Variants in ATP2B2 observed in about 807,000 individuals in gnomAD.
ATP2B2 encodes plasma membrane calcium-transporting ATPase 2.
In ATP2B2, 15 loss-of-function variants were observed where a neutral mutation model predicts 120.0. The ratio of observed to expected loss-of-function variants is 0.12; its 90% CI spans 0.08 to 0.19. The LOEUF (loss-of-function observed/expected upper bound fraction) is 0.19, where lower values mean the gene tolerates loss of function less well. Ranked by LOEUF, ATP2B2 falls within the 10% of genes least tolerant of loss-of-function variation. The pLI is 1.00. For synonymous variants in ATP2B2, 694 were observed against 700.3 expected, an observed-to-expected ratio of 0.99 and a Z score of 0.14; for missense variants, 1,045 against 1,719.8, an observed-to-expected ratio of 0.61 and a Z score of 6.94.
In ATP2B2 at chr3:10,694,257, T is replaced by C. The variant is rs553016869; in HGVS notation, c.-460+13658A>G. 1.6e-4 allele frequency among the ~76,000 whole-genome samples: 25 copies of C among 152,326 alleles called. No individual in the cohort carries two copies. In the East Asian group the frequency reaches 2.3e-3, roughly 14 times the overall value. ...TACCTTTGCATAACCACCACCACTA[T>C]CAAGGTACTCAACTGGACCATCACC... On this transcript the variant is annotated intron_variant, in intron 1 of 21. Transcript: ENST00000646379.
At chr3:10,486,078 T>C (rs759691) in intron 1 of ATP2B2, among the ~76,000 whole-genome samples, 64,570 of 152,060 alleles carry the variant, frequency 0.42, 13,800 homozygotes, top group South Asian at 0.55. Context: ...CCTCAGCCAG[T>C]GGCCAGGTCA....
At chr3:10,481,519 C>A (rs1462012787) in intron 1 of ATP2B2, among the ~76,000 whole-genome samples, 6 of 152,290 alleles carry the variant, frequency 3.9e-5, no homozygotes, top group Middle Eastern at 6.8e-3. Flanking sequence ...TCACGCTCTT[C>A]CCGCTGACTC....
chr3:10,442,464 C>T (rs2063701176), intron 2 of ATP2B2, among the ~76,000 whole-genome samples: 1 of 152,162 alleles, frequency 6.6e-6, no homozygotes, highest in African/African-American at 2.4e-5. Context: ...CAGCCTATGA[C>T]CATCGATAGC....
rs140381534 is a variant in ATP2B2, at chr3:10,441,817, G to A, written c.199+7528C>T. Among the ~76,000 whole-genome samples, 625 of 152,324 alleles carry A rather than the reference G, an allele frequency of 4.1e-3. 11 individuals carry two copies. Among genetic ancestry groups the A allele is most frequent in the Non-Finnish European group, 3.4e-3 (233 of 68,032 alleles). On this transcript the variant is annotated intron_variant, in intron 2 of 22. Transcript: ENST00000360273. ...AGAAGCAGGGGGAAGCAATGGAGAT[G>A]TTCCATCAGTTCTAGGAGGTGGGTG...
chr3:10,346,260 C>A lies in ATP2B2; in HGVS notation c.2405-123G>T. On this transcript the variant is annotated intron_variant, in intron 16 of 22. Transcript: ENST00000360273. This position sits in a 1 kb window ranked among gnomAD's most constrained non-coding sequence, Gnocchi z 4.1. ...TCCTCTCTGGTCCCTGTCCAGCCGCCCCCTCCATCCAGGCTCTTCCCAGCT... is the reference window on the plus strand; with the variant it reads ...TCCTCTCTGGTCCCTGTCCAGCCGCACCCTCCATCCAGGCTCTTCCCAGCT... 1.1e-6 allele frequency: 1 copy of A among 907,520 alleles called. No individual in the cohort carries two copies. Among genetic ancestry groups the A allele is most frequent in the Non-Finnish European group, 1.7e-6 (1 of 573,900 alleles). The allele number at this position is 907,520 out of a possible 1,614,324, so 56.2% of individuals were successfully genotyped here.
At chr3:10,627,152 T>A (rs945843752) in intron 1 of ATP2B2, among the ~76,000 whole-genome samples, 3 of 152,198 alleles carry the variant, frequency 2.0e-5, no homozygotes, top group Non-Finnish European at 4.4e-5. Context: ...AGCTTCCCCA[T>A]GCCCCACAGT....
Position 10,326,805 on chromosome 3 carries a change from A to C in ATP2B2, c.*2009T>G, listed in dbSNP as rs1444253030. On this transcript the variant is annotated 3_prime_UTR_variant, in exon 23 of 23. Coordinates refer to ENST00000360273, the MANE Select transcript of ATP2B2 (RefSeq NM_001001331.4). ...GCTGACTTTGAACCCCAAACCCTCAAGTTTTTCCACCGCCATCCAGATGTA... is the reference window on the plus strand; with the variant it reads ...GCTGACTTTGAACCCCAAACCCTCACGTTTTTCCACCGCCATCCAGATGTA... 2.5e-6 allele frequency: 1 copy of C among 398,842 alleles called. No individual in the cohort carries two copies. Among genetic ancestry groups the C allele is most frequent in the Non-Finnish European group, 4.4e-6 (1 of 226,058 alleles). 24.7% of individuals were successfully genotyped at this position (398,842 alleles called of 1,614,324 possible).
At position 10,606,471 on chromosome 3, in the gene ATP2B2, G is replaced by C. The variant is rs143202271; in HGVS notation, c.-415+13446C>G. On this transcript the variant is annotated intron_variant, in intron 2 of 21. Transcript: ENST00000646379. ...CCAGGGGGGTGGAGTTAAAAGCCAG[G>C]ATTAAGGTCCTTTGCTAGTCTTTGG... is the stretch of plus-strand genomic sequence containing the variant. Among the ~76,000 whole-genome samples, 368 of 152,268 alleles carry C rather than the reference G, an allele frequency of 2.4e-3. 1 individual carries two copies. Among genetic ancestry groups the C allele is most frequent in the African/African-American group, 8.3e-3 (343 of 41,568 alleles).
intron 2 of ATP2B2, among the ~76,000 whole-genome samples, chr3:10,575,493 G>T (rs943436212): frequency 1.3e-5 from 2 of 152,176 alleles, no homozygotes; most frequent in African/African-American, 4.8e-5. Context: ...AAGAATTTGT[G>T]GAGATGGATA....
Position 10,400,997 on chromosome 3 carries a change from T to C in ATP2B2, c.737A>G (p.Asp246Gly). The C allele has an allele frequency of 6.2e-7, 1 of 1,614,164 alleles. No individual in the cohort carries two copies. Among genetic ancestry groups the C allele is most frequent in the Non-Finnish European group, 8.5e-7 (1 of 1,180,000 alleles). ...CTTGTCCACGGACTTGCGCACCTGG[T>C]CAGACTCTCCAGTTAGGGAGCTTTC... ...IDESSLTGES[D>G]QVRKSVDKDP... is the part of the protein sequence containing the mutation. The change falls in exon 5 of 23, where the codon GAC (aspartate) becomes GGC (glycine). Residue 246 changes from aspartate to glycine, a missense_variant. Transcript: ENST00000360273.
At chr3:10,476,589 G>A (rs1340551440) in intron 1 of ATP2B2, among the ~76,000 whole-genome samples, 1 of 152,202 alleles carries the variant, frequency 6.6e-6, no homozygotes, top group African/African-American at 2.4e-5. Flanking sequence ...GCTTTTCTGT[G>A]GCTGCATGGC....
intron 2 of ATP2B2, among the ~76,000 whole-genome samples, chr3:10,439,025 C>T (rs901669318): frequency 1.3e-5 from 2 of 152,220 alleles, no homozygotes; most frequent in African/African-American, 4.8e-5. Context: ...GGCCCTGAAG[C>T]TGCTTGGTAG....
intron 1 of ATP2B2, among the ~76,000 whole-genome samples, chr3:10,467,229 T>A (rs1242851823): frequency 6.6e-6 from 1 of 152,172 alleles, no homozygotes; most frequent in Non-Finnish European, 1.5e-5. Context: ...CACTGAAACA[T>A]CTACATGGGG....
rs1364279062 is a variant in ATP2B2 at position 10,683,784 on chromosome 3, A to G, written c.-460+24131T>C. Among the ~76,000 whole-genome samples the G allele has an allele frequency of 1.7e-3, 195 of 117,824 alleles. 11 individuals are homozygous for G. The highest frequency in any genetic ancestry group is 5.3e-3 in the African/African-American group (164 of 30,796). The allele number at this position is 117,824 out of a possible 152,430, so 77.3% of individuals were successfully genotyped here. A position where few individuals can be genotyped will look rare whatever the true frequency, so the allele number is the denominator to read the frequency against. ...TGTATATATATATATATATATATAT[A>G]TATATATATATATATATATATGTAA... On this transcript the variant is annotated intron_variant, in intron 1 of 21. Transcript: ENST00000646379.
At chr3:10,667,099 C>T (rs764906562) in intron 1 of ATP2B2, among the ~76,000 whole-genome samples, 7 of 152,178 alleles carry the variant, frequency 4.6e-5, no homozygotes, top group Non-Finnish European at 7.4e-5. Flanking sequence ...CTCTCTTGGG[C>T]CTCAGTTTCT....
chr3:10,418,866 G>A (rs1016343748), intron 2 of ATP2B2, among the ~76,000 whole-genome samples: 1 of 152,250 alleles, frequency 6.6e-6, no homozygotes, highest in Non-Finnish European at 1.5e-5. Context: ...GTAGCAGTGA[G>A]GGGGTGGAAT....
chr3:10,587,944 T>G (rs1259323952), intron 2 of ATP2B2, among the ~76,000 whole-genome samples: 1 of 152,222 alleles, frequency 6.6e-6, no homozygotes, highest in African/African-American at 2.4e-5. Flanking sequence ...TTTTATTATA[T>G]AAGCAATACA....
intron 2 of ATP2B2, among the ~76,000 whole-genome samples, chr3:10,601,402 A>G (rs2068916408): frequency 6.6e-6 from 1 of 152,120 alleles, no homozygotes; most frequent in Non-Finnish European, 1.5e-5. Context: ...GAGGAATAAC[A>G]CGGGGAGGGA....
intron 1 of ATP2B2, among the ~76,000 whole-genome samples, chr3:10,452,262 T>G (rs2064083723): frequency 6.6e-6 from 1 of 152,258 alleles, no homozygotes; most frequent in African/African-American, 2.4e-5. Flanking sequence ...TGGTCTAGGA[T>G]GCTGAACCTC....
Sources: allele counts gnomAD v4.1 joint callset (sites outside exome capture counted in the v4.1 genomes callset), GRCh38; gene constraint gnomAD v4.1.1; non-coding constraint Gnocchi (gnomAD v3.1); transcripts MANE v1.5; gene names NCBI Gene and HGNC (gene_info 2026-07-23, HGNC 2026-07-21).